ACAP2: variants seen among roughly 807,000 people sequenced by gnomAD.
The protein encoded by ACAP2 is arf-GAP with coiled-coil, ANK repeat and PH domain-containing protein 2.
Under a neutral mutation model 115.8 loss-of-function variants are expected in ACAP2, and 39 were observed. That is an observed-to-expected ratio of 0.34 (90% CI 0.26 to 0.44). The LOEUF is 0.44. Among genes scored for constraint, ACAP2 ranks in the 20% least tolerant of loss-of-function variants. The pLI, the probability that ACAP2 is intolerant of heterozygous loss-of-function variation, is 1.00. For missense variants in ACAP2, 662 were observed against 927.6 expected, an observed-to-expected ratio of 0.71 and a Z score of 3.72; for synonymous variants, 289 against 315.8, an observed-to-expected ratio of 0.92 and a Z score of 0.90.
rs536510255 is a variant in ACAP2 at position 195,418,765 on chromosome 3, T to C, written c.53+24030A>G. ...CTCTATCAATTTGCCATTAACTTGT[T>C]TCAGGTCCTTGCTCGGTCTGCCTTA... On this transcript the variant is annotated intron_variant, in intron 1 of 22. Transcript: ENST00000326793. 3.8e-4 allele frequency among the ~76,000 whole-genome samples: 58 copies of C among 152,300 alleles called. No homozygotes were observed. In the Middle Eastern group the frequency reaches 0.017, roughly 45 times the overall value.
In ACAP2 at chr3:195,277,009, C is replaced by T. The variant is rs764948993; in HGVS notation, c.*2319G>A. The T allele has an allele frequency of 1.3e-5, 2 of 152,202 alleles. No individual in the cohort carries two copies. Among genetic ancestry groups the T allele is most frequent in the African/African-American group, 4.8e-5 (2 of 41,458 alleles). The allele number at this position is 152,202 out of a possible 1,614,324, so 9.4% of individuals were successfully genotyped here. On this transcript the variant is annotated 3_prime_UTR_variant, in exon 23 of 23. Coordinates refer to ENST00000326793, the MANE Select transcript of ACAP2 (RefSeq NM_012287.6). ...TCTGACCACTAAATTTAAGTAGATACTAATTAATTACTGCCATATTAACAA... is the reference window on the plus strand; with the variant it reads ...TCTGACCACTAAATTTAAGTAGATATTAATTAATTACTGCCATATTAACAA...
At chr3:195,437,805 ACT>A (rs566188583) in intron 1 of ACAP2, among the ~76,000 whole-genome samples, 1,178 of 112,610 alleles carry the variant, frequency 0.01, 6 homozygotes, top group Non-Finnish European at 0.016. Flanking sequence ...ACAGTGTGAG[ACT>A]CTGTCTCAAA....
At chr3:195,324,876 A>C (rs1395824379) in intron 9 of ACAP2, among the ~76,000 whole-genome samples, 5 of 152,248 alleles carry the variant, frequency 3.3e-5, no homozygotes, top group Non-Finnish European at 7.3e-5. Context: ...AAGACTGATA[A>C]AAATAAGCTA....
chr3:195,329,002 C>G (rs113733569), intron 8 of ACAP2, among the ~76,000 whole-genome samples: 3 of 151,694 alleles, frequency 2.0e-5, no homozygotes, highest in African/African-American at 7.3e-5. Context: ...ATGGCGTGAA[C>G]CCGGGAGGCG....
chr3:195,376,750 TTA>T (rs770256086), intron 4 of ACAP2, among the ~76,000 whole-genome samples: 4 of 152,222 alleles, frequency 2.6e-5, no homozygotes, highest in Non-Finnish European at 5.9e-5. Flanking sequence ...ACAAATGGTT[TTA>T]TTATTTTCAA....
In ACAP2 at chr3:195,346,940, C is replaced by A. The variant is rs567505702; in HGVS notation, c.286-1623G>T. Among the ~76,000 whole-genome samples the A allele has an allele frequency of 3.3e-5, 5 of 152,164 alleles. No homozygotes were observed. In the East Asian group the frequency reaches 5.8e-4, roughly 18 times the overall value. On this transcript the variant is annotated intron_variant, in intron 4 of 22. Transcript: ENST00000326793. ...GTGCAAGACTGAGGGGATGAAAAATCAGCGATTTCCACTGATAGGAGGAGG... is the reference window on the plus strand; with the variant it reads ...GTGCAAGACTGAGGGGATGAAAAATAAGCGATTTCCACTGATAGGAGGAGG...
At chr3:195,302,311 G>C in intron 13 of ACAP2, 137 bp from the exon 14 acceptor site, 1 of 734,258 alleles carries the variant, frequency 1.4e-6, no homozygotes, top group Non-Finnish European at 2.2e-6. Context: ...CAATAGTCTA[G>C]CTAGAAATTC....
intron 1 of ACAP2, among the ~76,000 whole-genome samples, chr3:195,441,310 A>C (rs1413374691): frequency 6.6e-6 from 1 of 152,212 alleles, no homozygotes; most frequent in South Asian, 2.1e-4. Context: ...GCTGTCCTGG[A>C]AACCAACCTG....
At position 195,345,249 on chromosome 3, in the gene ACAP2, A is replaced by G. The variant is rs73206696; in HGVS notation, c.344+10T>C. ...TTAATTTTCTTTCCTCTTCACCGCA[A>G]TTGACTTACTCTTTAACAAAGTTCT... On this transcript the variant is annotated intron_variant, in intron 5 of 22. Transcript: ENST00000326793. The G allele has an allele frequency of 0.034, 54,716 of 1,601,124 alleles. 1,115 individuals carry two copies. Among genetic ancestry groups the G allele is most frequent in the Non-Finnish European group, 0.041 (48,074 of 1,169,092 alleles).
At chr3:195,416,161 C>G (rs1205786848) in intron 1 of ACAP2, among the ~76,000 whole-genome samples, 1 of 152,114 alleles carries the variant, frequency 6.6e-6, no homozygotes, top group Non-Finnish European at 1.5e-5. Context: ...CCCTGGCTAA[C>G]ACGGTGAAAC....
intron 7 of ACAP2, chr3:195,335,934 C>A (rs2108635240): frequency 8.0e-6 from 1 of 125,208 alleles, no homozygotes; most frequent in East Asian, 2.4e-4. Flanking sequence ...GAGTTTCACT[C>A]TTGTCACCTA....
chr3:195,426,418 T>C (rs1029150205), intron 1 of ACAP2, among the ~76,000 whole-genome samples: 3 of 152,108 alleles, frequency 2.0e-5, no homozygotes, highest in African/African-American at 7.2e-5. Context: ...AAGGAAACAA[T>C]CAGAAAAATT....
At chr3:195,299,819 C>T (rs1727909905) in intron 15 of ACAP2, among the ~76,000 whole-genome samples, 1 of 151,950 alleles carries the variant, frequency 6.6e-6, no homozygotes, top group Admixed American at 6.6e-5. Flanking sequence ...GCTTGGGCGA[C>T]ACAGCGAGAC....
At chr3:195,406,718 T>G (rs1473476748) in intron 1 of ACAP2, among the ~76,000 whole-genome samples, 1 of 152,206 alleles carries the variant, frequency 6.6e-6, no homozygotes, top group Non-Finnish European at 1.5e-5. Context: ...ATGCCTTTAT[T>G]CTTGGCCCTA....
Position 195,297,292 on chromosome 3 carries a change from A to C in ACAP2, c.1396-11T>G. On this transcript the variant is annotated splice_polypyrimidine_tract_variant and intron_variant, in intron 15 of 22. Transcript: ENST00000326793. ...CAACTCACACATAAGCTGTTTGGCA[A>C]AAAAAAATAGAAAAATAAGCTATAC... 6.3e-7 allele frequency: 1 copy of C among 1,588,238 alleles called. No homozygotes were observed. The highest frequency in any genetic ancestry group is 1.1e-5 in the South Asian group (1 of 86,960).
At chr3:195,363,039 AC>A (rs1188142726) in intron 4 of ACAP2, among the ~76,000 whole-genome samples, 2 of 152,174 alleles carry the variant, frequency 1.3e-5, no homozygotes, top group African/African-American at 4.8e-5. Context: ...AAATGATATG[AC>A]CCTATATTTG....
intron 1 of ACAP2, among the ~76,000 whole-genome samples, chr3:195,395,603 G>C (rs180923021): frequency 9.9e-5 from 15 of 152,142 alleles, no homozygotes; most frequent in Non-Finnish European, 2.2e-4. Context: ...ATTCACTTCC[G>C]TAGTCTCTAT....
At chr3:195,380,473 C>G (rs1388752282) in intron 4 of ACAP2, among the ~76,000 whole-genome samples, 1 of 152,096 alleles carries the variant, frequency 6.6e-6, no homozygotes. Flanking sequence ...TAAACTTTTG[C>G]AAACTTTGTA....
At chr3:195,440,416 C>A (rs1715909076) in intron 1 of ACAP2, among the ~76,000 whole-genome samples, 2 of 152,324 alleles carry the variant, frequency 1.3e-5, no homozygotes, top group Non-Finnish European at 2.9e-5. Context: ...GTGAAATTTT[C>A]ATCAGCAAGA....
Sources: allele counts gnomAD v4.1 joint callset (sites outside exome capture counted in the v4.1 genomes callset), GRCh38; gene constraint gnomAD v4.1.1; transcripts MANE v1.5; gene names NCBI Gene and HGNC (gene_info 2026-07-23, HGNC 2026-07-21).